The following ARMC10 variants were observed in gnomAD, a reference collection of about 807,000 sequenced individuals.
The protein encoded by ARMC10 is armadillo repeat containing 10.
A neutral mutation model predicts 30.2 loss-of-function variants in ARMC10; 23 were observed. That is an observed-to-expected ratio of 0.76 (90% CI 0.55 to 1.08). The LOEUF (loss-of-function observed/expected upper bound fraction) is 1.08, where lower values mean the gene tolerates loss of function less well. Among genes scored for constraint, ARMC10 ranks in the 50% least tolerant of loss-of-function variants. ARMC10 has a pLI of 0.00. For synonymous variants in ARMC10, 111 were observed against 164.4 expected, an observed-to-expected ratio of 0.68 and a Z score of 2.48; for missense variants, 303 against 413.7, an observed-to-expected ratio of 0.73 and a Z score of 2.32.
chr7:103,094,172 G>A (rs1249569272), intron 5 of ARMC10, among the ~76,000 whole-genome samples: 4 of 152,106 alleles, frequency 2.6e-5, no homozygotes, highest in African/African-American at 9.7e-5. Context: ...TTAAGTCAGG[G>A]ATCTCACTGT....
chr7:103,091,032 T>A (rs1211027364), intron 4 of ARMC10, among the ~76,000 whole-genome samples: 1 of 152,248 alleles, frequency 6.6e-6, no homozygotes, highest in Non-Finnish European at 1.5e-5. Flanking sequence ...ACTTACCACT[T>A]CAAATTAGGA....
chr7:103,094,641 C>T (rs959312585), intron 5 of ARMC10, among the ~76,000 whole-genome samples: 1 of 152,134 alleles, frequency 6.6e-6, no homozygotes, highest in Non-Finnish European at 1.5e-5. Context: ...ACTTCATTGA[C>T]ATTGGAGCCA....
chr7:103,077,396 T>G (rs1799984156), intron 2 of ARMC10, among the ~76,000 whole-genome samples: 1 of 152,068 alleles, frequency 6.6e-6, no homozygotes, highest in Admixed American at 6.6e-5. Flanking sequence ...GAAAGAAATT[T>G]ATTTCTTAGA....
Position 103,075,225 on chromosome 7 carries a change from C to G in ARMC10, c.-48C>G, listed in dbSNP as rs1454403128. 9 of 1,140,684 alleles carry G rather than the reference C, an allele frequency of 7.9e-6. No homozygotes were observed. Among genetic ancestry groups the G allele is most frequent in the Non-Finnish European group, 9.7e-6 (9 of 929,796 alleles). The allele number at this position is 1,140,684 out of a possible 1,614,324, so 70.7% of individuals were successfully genotyped here. ...CTGGAGACCTCCGCGCTGGCCCCCG[C>G]GAGCCTCCTGCCCTGGCCCGGCGCT... On this transcript the variant is annotated 5_prime_UTR_variant, in exon 1 of 7. Transcript: ENST00000323716.
chr7:103,096,352 T>C (rs1801759543), intron 5 of ARMC10: 2 of 152,160 alleles, frequency 1.3e-5, no homozygotes, highest in South Asian at 4.1e-4. Flanking sequence ...TCAACCGATC[T>C]ATCAGTTTTT....
chr7:103,096,431 A>G (rs1050862538), intron 5 of ARMC10: 3 of 152,246 alleles, frequency 2.0e-5, no homozygotes, highest in Non-Finnish European at 4.4e-5. Context: ...AATTCATGGT[A>G]GCTTACCAAA....
rs1801957168 is a variant in ARMC10 at position 103,098,303 on chromosome 7, A to G, written c.782A>G (p.Asp261Gly). Residue 261 changes from aspartate (D) to glycine (G), a missense_variant, in exon 7 of 7, where the codon GAT becomes GGT. By Grantham distance (94) the Asp-to-Gly change is moderately conservative. Transcript: ENST00000323716. ...MTEGLLRAQV[D>G]SSFLSLYDSH... ...ACTCATTGTTTCATATTTCAGGTGG[A>G]TTCATCATTCCTTTCCCTTTATGAC... The G allele has an allele frequency of 2.6e-6, 4 of 1,518,496 alleles. No homozygotes were observed. Among genetic ancestry groups the G allele is most frequent in the African/African-American group, 1.4e-5 (1 of 71,408 alleles). The allele number at this position is 1,518,496 out of a possible 1,614,324, so 94.1% of individuals were successfully genotyped here. A position where few individuals can be genotyped will look rare whatever the true frequency, so the allele number is the denominator to read the frequency against.
At chr7:103,090,991 A>T (rs938320928) in intron 4 of ARMC10, among the ~76,000 whole-genome samples, 2 of 145,596 alleles carry the variant, frequency 1.4e-5, no homozygotes, top group African/African-American at 2.5e-5. Context: ...GATTTTTTTT[A>T]AATTAATAAT....
chr7:103,089,801 AT>A (rs1357539828), intron 4 of ARMC10, among the ~76,000 whole-genome samples: 6 of 152,244 alleles, frequency 3.9e-5, no homozygotes, highest in African/African-American at 1.4e-4. Flanking sequence ...GAAAAATGCA[AT>A]ATTAGGAAAT....
chr7:103,092,330 CAA>C (rs772073727), intron 4 of ARMC10, 145 bp from the exon 5 acceptor site: 3,403 of 231,420 alleles, frequency 0.015, no homozygotes, highest in South Asian at 0.023. Context: ...GACTCCGTCT[CAA>C]AAAAAAAAAA....
chr7:103,087,037 C>A, intron 4 of ARMC10: 1 of 733,884 alleles, frequency 1.4e-6, no homozygotes, highest in Non-Finnish European at 1.9e-6. Context: ...AGCCTTAAGG[C>A]TATAGGCACC....
intron 2 of ARMC10, among the ~76,000 whole-genome samples, chr7:103,078,384 T>TA (rs1563315852): frequency 6.6e-6 from 1 of 152,228 alleles, no homozygotes; most frequent in African/African-American, 2.4e-5. Context: ...CTTCTCGTGA[T>TA]AGTTCTCAGG....
At chr7:103,084,791 C>T (rs991486638) in intron 3 of ARMC10, among the ~76,000 whole-genome samples, 1 of 152,200 alleles carries the variant, frequency 6.6e-6, no homozygotes, top group African/African-American at 2.4e-5. Context: ...AGCCACTAGC[C>T]TCTCTAAGCC....
chr7:103,084,436 G>A (rs1259802642), intron 3 of ARMC10, among the ~76,000 whole-genome samples: 1 of 152,090 alleles, frequency 6.6e-6, no homozygotes, highest in Non-Finnish European at 1.5e-5. Context: ...TGAATTTATA[G>A]TTTTTTTTAG....
rs1406761950 is a variant in ARMC10 at position 103,075,197 on chromosome 7, G to T, written c.-76G>T. ...TTTGCTGTGGCGGCTAGGCCCGCGTGCGCTGGAGACCTCCGCGCTGGCCCC... is the reference window on the plus strand; with the variant it reads ...TTTGCTGTGGCGGCTAGGCCCGCGTTCGCTGGAGACCTCCGCGCTGGCCCC... On this transcript the variant is annotated 5_prime_UTR_variant, in exon 1 of 7. Coordinates refer to ENST00000323716, the MANE Select transcript of ARMC10 (RefSeq NM_031905.5). 1.4e-5 allele frequency: 15 copies of T among 1,060,934 alleles called. No homozygotes were observed. The highest frequency in any genetic ancestry group is 1.7e-5 in the Non-Finnish European group (15 of 865,390). The allele number at this position is 1,060,934 out of a possible 1,614,324, so 65.7% of individuals were successfully genotyped here. A position where few individuals can be genotyped will look rare whatever the true frequency, so the allele number is the denominator to read the frequency against.
chr7:103,087,744 T>C (rs1800985186), intron 4 of ARMC10: 2 of 981,586 alleles, frequency 2.0e-6, no homozygotes, highest in Non-Finnish European at 1.2e-6. Context: ...AATCTCTGTA[T>C]TTAGTTTAGA....
intron 4 of ARMC10, among the ~76,000 whole-genome samples, chr7:103,091,760 G>T (rs1386771024): frequency 3.3e-5 from 5 of 152,178 alleles, no homozygotes; most frequent in Non-Finnish European, 7.3e-5. Flanking sequence ...GGACTAAGAT[G>T]GGAGGCCTCC....
Position 103,075,257 on chromosome 7 carries a change from C to T in ARMC10, c.-16C>T, listed in dbSNP as rs1378801151. 20 of 1,187,750 alleles carry T rather than the reference C, an allele frequency of 1.7e-5. No individual in the cohort carries two copies. The highest frequency in any genetic ancestry group is 1.8e-5 in the Non-Finnish European group (17 of 959,646). 73.6% of individuals were successfully genotyped at this position (1,187,750 alleles called of 1,614,324 possible). A position where few individuals can be genotyped will look rare whatever the true frequency, so the allele number is the denominator to read the frequency against. ...CCTGCCCTGGCCCGGCGCTGCGGCTCTGCCGCGGCGGCAGCATGGGTGGCC... is the reference window on the plus strand; with the variant it reads ...CCTGCCCTGGCCCGGCGCTGCGGCTTTGCCGCGGCGGCAGCATGGGTGGCC... On this transcript the variant is annotated 5_prime_UTR_variant, in exon 1 of 7. Coordinates refer to ENST00000323716, the MANE Select transcript of ARMC10 (RefSeq NM_031905.5).
In ARMC10 at chr7:103,092,519, C is replaced by T. The variant is rs758434269; in HGVS notation, c.571C>T (p.Leu191=). The part of the protein sequence containing the change: ...QVCEDVFSGP[L]NSAVQLAGLT... ...ATGTGAGGATGTCTTCTCTGGTCCT[C>T]TGAACTCTGCTGTGCAGCTGGCTGG... Residue 191 remains leucine, a synonymous_variant, in exon 5 of 7, where the codon CTG becomes TTG. Coordinates refer to ENST00000323716, the MANE Select transcript of ARMC10 (RefSeq NM_031905.5). The T allele has an allele frequency of 9.3e-6, 15 of 1,604,660 alleles. No individual in the cohort carries two copies. Among genetic ancestry groups the T allele is most frequent in the Non-Finnish European group, 1.3e-5 (15 of 1,172,244 alleles).
Sources: gnomAD v4.1 joint callset for allele counts (sites outside exome capture counted in the v4.1 genomes callset) on GRCh38, gnomAD v4.1.1 for gene constraint, MANE v1.5 for transcripts, NCBI Gene and HGNC (gene_info 2026-07-23, HGNC 2026-07-21) for gene names.